The following FAM110B variants were observed in gnomAD, a reference collection of about 807,000 sequenced individuals.
FAM110B encodes family with sequence similarity 110 member B, also known as protein FAM110B.
FAM110B carries 6 observed loss-of-function variants against 20.4 expected under a neutral mutation model. The ratio of observed to expected loss-of-function variants is 0.29; its 90% CI spans 0.16 to 0.58. The LOEUF (loss-of-function observed/expected upper bound fraction) is 0.58, where lower values mean the gene tolerates loss of function less well. FAM110B is among the 20% of genes least tolerant of loss of function. FAM110B has a pLI of 0.90. For missense variants in FAM110B, 434 were observed against 498.2 expected (o/e 0.87, Z 1.23); for synonymous variants, 226 against 214.1 (o/e 1.06, Z -0.49).
rs957124051 is a variant in FAM110B, at chr8:58,143,066, C to T, written c.-324-2841C>T. Among the ~76,000 whole-genome samples, 14 of 152,336 alleles carry T rather than the reference C, an allele frequency of 9.2e-5. No homozygotes were observed. In the East Asian group the frequency reaches 2.3e-3, roughly 25 times the overall value. On this transcript the variant is annotated intron_variant, in intron 3 of 3. Transcript: ENST00000519262. The stretch of plus-strand genomic sequence containing the variant: ...CTACACTACAAAACTCAGAGTATTT[C>T]TCCAGCACTGTATAGCTCTGTCCCA...
At chr8:58,072,646 C>T (rs1465664784) in intron 2 of FAM110B, among the ~76,000 whole-genome samples, 1 of 152,136 alleles carries the variant, frequency 6.6e-6, no homozygotes, top group African/African-American at 2.4e-5. Context: ...TCTTTTTCCT[C>T]GTTAAAATTC....
intron 1 of FAM110B, among the ~76,000 whole-genome samples, chr8:58,014,916 G>C (rs1022156530): frequency 1.2e-4 from 19 of 152,084 alleles, no homozygotes; most frequent in African/African-American, 4.6e-4. Context: ...CTAACATCAA[G>C]ACTTTAGGCC....
rs574160323 is a variant in FAM110B, at chr8:58,148,248, G to A, written c.*905G>A. The A allele has an allele frequency of 6.4e-6, 1 of 156,286 alleles. No individual in the cohort carries two copies. The highest frequency in any genetic ancestry group is 7.3e-5 in the Admixed American group (1 of 13,728). The allele number at this position is 156,286 out of a possible 1,614,324, so 9.7% of individuals were successfully genotyped here. A position where few individuals can be genotyped will look rare whatever the true frequency, so the allele number is the denominator to read the frequency against. On this transcript the variant is annotated 3_prime_UTR_variant, in exon 4 of 4. Transcript: ENST00000519262. ...TCTCCCTTTGTTGTTATTTGATTTGGGGGAAGGGAGTGAGGCTTGTGCAGA... is the reference window on the plus strand; with the variant it reads ...TCTCCCTTTGTTGTTATTTGATTTGAGGGAAGGGAGTGAGGCTTGTGCAGA...
At chr8:58,078,045 T>G (rs1806082003) in intron 3 of FAM110B, among the ~76,000 whole-genome samples, 1 of 152,244 alleles carries the variant, frequency 6.6e-6, no homozygotes, top group African/African-American at 2.4e-5. Context: ...GTTTTTAACT[T>G]TCAGGTTATT....
intron 3 of FAM110B, among the ~76,000 whole-genome samples, chr8:58,094,805 A>G (rs1806577918): frequency 6.6e-6 from 1 of 152,096 alleles, no homozygotes; most frequent in South Asian, 2.1e-4. Context: ...TTTTGTTTGG[A>G]ATAGTTTCAC....
intron 2 of FAM110B, among the ~76,000 whole-genome samples, chr8:58,034,744 C>G (rs1805039463): frequency 6.6e-6 from 1 of 152,140 alleles, no homozygotes. Context: ...GGAGATAATA[C>G]CTACTTCTGA....
chr8:58,116,195 C>G (rs939920798), intron 3 of FAM110B, among the ~76,000 whole-genome samples: 2 of 152,212 alleles, frequency 1.3e-5, no homozygotes, highest in Non-Finnish European at 2.9e-5. Context: ...GTTCAAACCC[C>G]TCGGATCATT....
intron 3 of FAM110B, among the ~76,000 whole-genome samples, chr8:58,133,203 TTG>T (rs1803524702): frequency 7.3e-6 from 1 of 136,174 alleles, no homozygotes; most frequent in African/African-American, 3.2e-5. Context: ...GAGCTCGATT[TTG>T]TTTTTTTTTT....
rs141029550 is a variant in FAM110B, at chr8:58,026,894, T to C, written c.-511-4712T>C. ...ATTCCTCCTCAGGCAGGGTTTTTAG[T>C]ATGGTGATGAGGAGAGTTTGTCAAA... On this transcript the variant is annotated intron_variant, in intron 1 of 3. Transcript: ENST00000519262. Among the ~76,000 whole-genome samples the C allele has an allele frequency of 5.6e-3, 851 of 152,322 alleles. 5 individuals carry two copies. Among genetic ancestry groups the C allele is most frequent in the Admixed American group, 7.3e-3 (111 of 15,308 alleles).
Position 58,146,376 on chromosome 8 carries a change from G to A in FAM110B, c.146G>A (p.Ser49Asn). The A allele has an allele frequency of 6.2e-7, 1 of 1,614,090 alleles. No individual in the cohort carries two copies. Among genetic ancestry groups the A allele is most frequent in the Non-Finnish European group, 8.5e-7 (1 of 1,179,996 alleles). ...RQAEPNPKRL[S>N]AVERLEADKA... is the part of the protein sequence containing the mutation. ...GCCGAGCCCAACCCCAAGAGGCTCA[G>A]CGCCGTGGAGAGGCTGGAGGCCGAC... The change falls in exon 4 of 4, where the codon AGC becomes AAC. Residue 49 changes from serine (S) to asparagine (N), a missense_variant. Physicochemically the swap from Ser to Asn is conservative, Grantham distance 46. Transcript: ENST00000519262.
At chr8:58,086,891 AT>A in intron 3 of FAM110B, among the ~76,000 whole-genome samples, 1 of 152,206 alleles carries the variant, frequency 6.6e-6, no homozygotes, top group Admixed American at 6.5e-5. Flanking sequence ...TGGAGCTGGT[AT>A]TTTGTTTGGC....
Position 58,146,542 on chromosome 8 carries a change from C to T in FAM110B, c.312C>T (p.His104=), listed in dbSNP as rs1803869121. 6.2e-7 allele frequency: 1 copy of T among 1,613,994 alleles called. No homozygotes were observed. Among genetic ancestry groups the T allele is most frequent in the Non-Finnish European group, 8.5e-7 (1 of 1,179,944 alleles). ...CCACGCTCAAAGTGTTCGGCAACCACGCCAAGACCGAGAGCGGCGTGCAGA... is the reference window on the plus strand; with the variant it reads ...CCACGCTCAAAGTGTTCGGCAACCATGCCAAGACCGAGAGCGGCGTGCAGA... ...GSPTLKVFGN[H]AKTESGVQRE... Residue 104 remains histidine (H), a synonymous_variant, in exon 4 of 4, where the codon CAC becomes CAT. Transcript: ENST00000519262.
At chr8:58,095,577 A>C (rs1007084946) in intron 3 of FAM110B, among the ~76,000 whole-genome samples, 5 of 152,088 alleles carry the variant, frequency 3.3e-5, no homozygotes, top group Admixed American at 3.3e-4. Context: ...CCTAAGTTCT[A>C]ATTTGATTTC....
At chr8:58,089,253 T>C (rs999680360) in intron 3 of FAM110B, among the ~76,000 whole-genome samples, 2 of 152,226 alleles carry the variant, frequency 1.3e-5, no homozygotes, top group African/African-American at 4.8e-5. Flanking sequence ...AAATTAGCAC[T>C]CTCTATCAAC....
At chr8:58,005,851 G>C (rs1804391850) in intron 1 of FAM110B, among the ~76,000 whole-genome samples, 2 of 152,184 alleles carry the variant, frequency 1.3e-5, no homozygotes, top group Middle Eastern at 3.4e-3. Context: ...ATTTTGACTA[G>C]GTAAAGAAGT....
intron 3 of FAM110B, among the ~76,000 whole-genome samples, chr8:58,093,933 G>C (rs901671814): frequency 6.6e-6 from 1 of 152,108 alleles, no homozygotes; most frequent in Non-Finnish European, 1.5e-5. Flanking sequence ...TTGAGCAATG[G>C]TTCGTAGTTC....
chr8:58,145,454 G>T (rs1010767248), intron 3 of FAM110B, among the ~76,000 whole-genome samples: 7 of 152,088 alleles, frequency 4.6e-5, no homozygotes, highest in African/African-American at 1.4e-4. Flanking sequence ...TTGCTTCATT[G>T]CAAAAGAGAT....
intron 3 of FAM110B, among the ~76,000 whole-genome samples, chr8:58,137,702 A>C (rs1357318801): frequency 1.3e-5 from 2 of 152,154 alleles, no homozygotes; most frequent in African/African-American, 4.8e-5. Flanking sequence ...AAATGAGGAA[A>C]CTCAGGTACA....
chr8:58,135,137 T>G lies in FAM110B; in HGVS notation c.-324-10770T>G, dbSNP rs1876378. Among the ~76,000 whole-genome samples the G allele has an allele frequency of 5.4e-3, 830 of 152,322 alleles. 10 individuals are homozygous for G. The highest frequency in any genetic ancestry group is 0.018 in the African/African-American group (755 of 41,572). On this transcript the variant is annotated intron_variant, in intron 3 of 3. Coordinates refer to ENST00000519262, the MANE Select transcript of FAM110B (RefSeq NM_001377989.1). ...CACTTTGGTATGAAGCCCTTGCCCCTCCATAGCTGAACATCTTAGACATCC... is the reference window on the plus strand; with the variant it reads ...CACTTTGGTATGAAGCCCTTGCCCCGCCATAGCTGAACATCTTAGACATCC...
Sources: gnomAD v4.1 joint callset for allele counts (sites outside exome capture counted in the v4.1 genomes callset) on GRCh38, gnomAD v4.1.1 for gene constraint, MANE v1.5 for transcripts, NCBI Gene and HGNC (gene_info 2026-07-23, HGNC 2026-07-21) for gene names.